The following SLC35F3 variants were observed in gnomAD, a reference collection of about 807,000 sequenced individuals.
SLC35F3 encodes the protein solute carrier family 35 member F3.
A neutral mutation model predicts 49.9 loss-of-function variants in SLC35F3; 25 were observed. That is an observed-to-expected ratio of 0.50 (90% CI 0.37 to 0.70). The LOEUF (loss-of-function observed/expected upper bound fraction) is 0.70. Ranked by LOEUF, SLC35F3 falls within the 30% of genes least tolerant of loss-of-function variation. SLC35F3 has a pLI of 0.00. For synonymous variants in SLC35F3, 275 were observed against 265.4 expected (o/e 1.04, Z -0.35); for missense variants, 525 against 639.8 (o/e 0.82, Z 1.94).
At chr1:233,923,351 A>G (rs1462127172) in intron 2 of SLC35F3, among the ~76,000 whole-genome samples, 1 of 152,164 alleles carries the variant, frequency 6.6e-6, no homozygotes, top group Non-Finnish European at 1.5e-5. Context: ...TTCTCCTTGA[A>G]GAGGCCCTTC....
At chr1:234,060,223 A>T (rs1035357981) in intron 2 of SLC35F3, among the ~76,000 whole-genome samples, 2 of 152,188 alleles carry the variant, frequency 1.3e-5, no homozygotes, top group African/African-American at 4.8e-5. Context: ...TGTTGTGTAG[A>T]GTATCCTATA....
At chr1:234,125,608 G>A (rs1665635094) in intron 2 of SLC35F3, among the ~76,000 whole-genome samples, 1 of 152,132 alleles carries the variant, frequency 6.6e-6, no homozygotes, top group African/African-American at 2.4e-5. Flanking sequence ...GCTCCTGACC[G>A]GTCCGGGCTT....
chr1:234,310,343 G>A (rs934873640), intron 4 of SLC35F3, among the ~76,000 whole-genome samples: 11 of 152,128 alleles, frequency 7.2e-5, no homozygotes, highest in African/African-American at 2.4e-4. Flanking sequence ...ATTGTCCTGG[G>A]AACAATGACA....
At chr1:233,950,215 T>C (rs536642975) in intron 2 of SLC35F3, among the ~76,000 whole-genome samples, 1 of 151,380 alleles carries the variant, frequency 6.6e-6, no homozygotes, top group Non-Finnish European at 1.5e-5. Flanking sequence ...TGAAACCCCG[T>C]CTCTACTAAA....
chr1:234,109,985 T>A (rs1006269221), intron 2 of SLC35F3, among the ~76,000 whole-genome samples: 1 of 152,064 alleles, frequency 6.6e-6, no homozygotes, highest in Non-Finnish European at 1.5e-5. Context: ...GGCAGGGCTA[T>A]GGTATGACTA....
chr1:234,320,103 A>C lies in SLC35F3; in HGVS notation c.1153A>C (p.Asn385His), dbSNP rs778380324. 1 of 1,601,086 alleles carries C rather than the reference A, an allele frequency of 6.2e-7. No individual in the cohort carries two copies. The highest frequency in any genetic ancestry group is 8.6e-7 in the Non-Finnish European group (1 of 1,168,280). ...GTTTACATTCTTTATTTCAGCATTC[A>C]ATATTGTATTAAATTTTGGAATTGC... is the stretch of plus-strand genomic sequence containing the variant. ...CGFSVLLLTF[N>H]IVLNFGIAVT... The change falls in exon 7 of 8, where the codon AAT (asparagine) becomes CAT (histidine). Residue 385 changes from asparagine (N) to histidine (H), a missense_variant. This residue lies in a region of SLC35F3 where 216 missense variants were observed against 298.1 expected (regional missense o/e 0.72). Transcript: ENST00000366618. The surrounding 1 kb of genome is among the most constrained non-coding windows in gnomAD (Gnocchi z 4.8).
chr1:233,985,612 C>A (rs1274829584), intron 2 of SLC35F3, among the ~76,000 whole-genome samples: 2 of 152,210 alleles, frequency 1.3e-5, no homozygotes, highest in African/African-American at 2.4e-5. Flanking sequence ...TAATTACAAT[C>A]ATTGGTACGT....
At chr1:234,319,401 C>T (rs1282968756) in intron 6 of SLC35F3, among the ~76,000 whole-genome samples, 1 of 152,126 alleles carries the variant, frequency 6.6e-6, no homozygotes, top group African/African-American at 2.4e-5. Context: ...ACCCAGTTTC[C>T]ATCTAAAAAC....
At chr1:234,221,354 A>G (rs1445633198) in intron 2 of SLC35F3, among the ~76,000 whole-genome samples, 4 of 152,212 alleles carry the variant, frequency 2.6e-5, no homozygotes, top group African/African-American at 9.7e-5. Flanking sequence ...GATTGATGCA[A>G]CAATTAATGC....
intron 2 of SLC35F3, among the ~76,000 whole-genome samples, chr1:234,013,547 C>G (rs1443362213): frequency 6.6e-6 from 1 of 150,764 alleles, no homozygotes; most frequent in Non-Finnish European, 1.5e-5. Context: ...AACAATGAAA[C>G]TACAGAGCTG....
intron 2 of SLC35F3, among the ~76,000 whole-genome samples, chr1:234,167,140 C>T (rs1228420557): frequency 6.6e-6 from 1 of 152,224 alleles, no homozygotes; most frequent in Non-Finnish European, 1.5e-5. Context: ...TTTCATTCTC[C>T]TGTCTTTCCG....
At chr1:234,275,763 AATATATAT>A (rs202037675) in intron 3 of SLC35F3, among the ~76,000 whole-genome samples, 18 of 135,532 alleles carry the variant, frequency 1.3e-4, no homozygotes, top group African/African-American at 2.2e-4. Flanking sequence ...AAAAAAAAAA[AATATATAT>A]ATATATATAT....
intron 2 of SLC35F3, among the ~76,000 whole-genome samples, chr1:234,168,555 A>G (rs967493279): frequency 2.6e-5 from 4 of 152,268 alleles, no homozygotes; most frequent in Non-Finnish European, 5.9e-5. Flanking sequence ...AGGACAAGAC[A>G]GCTTGCCAGA....
At chr1:234,065,071 T>C (rs920977949) in intron 2 of SLC35F3, among the ~76,000 whole-genome samples, 3 of 152,200 alleles carry the variant, frequency 2.0e-5, no homozygotes, top group African/African-American at 4.8e-5. Context: ...GGGAAGTTTT[T>C]ACTGTATGCT....
chr1:234,237,036 G>T (rs114302773), intron 3 of SLC35F3, among the ~76,000 whole-genome samples: 3 of 148,686 alleles, frequency 2.0e-5, no homozygotes, highest in Admixed American at 6.8e-5. Context: ...GGGCACAGTA[G>T]ATCTTGGGAC....
chr1:234,043,878 G>T (rs1664256203), intron 2 of SLC35F3, among the ~76,000 whole-genome samples: 1 of 151,964 alleles, frequency 6.6e-6, no homozygotes, highest in African/African-American at 2.4e-5. Context: ...CTTTCGCTTT[G>T]TATGTTACAT....
At chr1:233,987,002 T>C (rs1663275211) in intron 2 of SLC35F3, among the ~76,000 whole-genome samples, 1 of 152,196 alleles carries the variant, frequency 6.6e-6, no homozygotes, top group African/African-American at 2.4e-5. Flanking sequence ...TCAGAAATGA[T>C]GCAAGAGGCT....
intron 2 of SLC35F3, among the ~76,000 whole-genome samples, chr1:233,982,143 T>C (rs1218412270): frequency 6.6e-6 from 1 of 152,198 alleles, no homozygotes; most frequent in Non-Finnish European, 1.5e-5. Flanking sequence ...CAGGCTGGTC[T>C]CAAACTCCTG....
At chr1:234,228,853 A>G (rs1667326328) in intron 2 of SLC35F3, among the ~76,000 whole-genome samples, 1 of 152,128 alleles carries the variant, frequency 6.6e-6, no homozygotes, top group Non-Finnish European at 1.5e-5. Flanking sequence ...TTTTCTTTTT[A>G]CTATTTAGCA....
Sources: allele counts gnomAD v4.1 joint callset (sites outside exome capture counted in the v4.1 genomes callset), GRCh38; gene constraint gnomAD v4.1.1; regional missense constraint gnomAD v4.1.1; non-coding constraint Gnocchi (gnomAD v3.1); transcripts MANE v1.5; gene names NCBI Gene and HGNC (gene_info 2026-07-23, HGNC 2026-07-21).